The following TLL1 variants were observed in gnomAD, a reference collection of about 807,000 sequenced individuals.
TLL1 encodes the protein tolloid-like protein 1.
Under a neutral mutation model 128.2 loss-of-function variants are expected in TLL1, and 49 were observed. The observed-to-expected ratio is 0.38, with a 90% CI of 0.30 to 0.48. TLL1 has a LOEUF of 0.48. Among genes scored for constraint, TLL1 ranks in the 20% least tolerant of loss-of-function variants. The pLI, the probability that TLL1 is intolerant of heterozygous loss-of-function variation, is 0.96. For synonymous variants in TLL1, 454 were observed against 418.8 expected, an observed-to-expected ratio of 1.08 and a Z score of -1.03; for missense variants, 1,123 against 1,242.0, an observed-to-expected ratio of 0.90 and a Z score of 1.44.
chr4:166,052,965 G>GTGTGTGTGTGTA, intron 12 of TLL1, among the ~76,000 whole-genome samples: 1 of 99,648 alleles, frequency 1.0e-5, no homozygotes, highest in African/African-American at 3.8e-5. Context: ...GAGGTTATGT[G>GTGTGTGTGTGTA]TATATATATA....
chr4:166,097,722 C>G (rs1165414789), intron 19 of TLL1, among the ~76,000 whole-genome samples: 1 of 152,100 alleles, frequency 6.6e-6, no homozygotes, highest in Non-Finnish European at 1.5e-5. Context: ...AGCTGCCTAA[C>G]CATCTTCACT....
chr4:166,099,364 T>C lies in TLL1; in HGVS notation c.2744T>C (p.Val915Ala), dbSNP rs778787261. The change falls in exon 20 of 21, where the codon GTT (valine) becomes GCT (alanine). Residue 915 changes from valine to alanine, a missense_variant. Physicochemically the swap from Val to Ala is moderately conservative, Grantham distance 64. This residue lies in a region of TLL1 where 634 missense variants were observed against 672.4 expected (regional missense o/e 0.94). Coordinates refer to ENST00000061240, the MANE Select transcript of TLL1 (RefSeq NM_012464.5). ...QFGDNNYPGQ[V>A]DCEWLLVSER... ...GGTGATAACAACTACCCAGGACAGG[T>C]TGACTGTGAATGGCTATTAGTATCA... is the stretch of plus-strand genomic sequence containing the variant. The C allele has an allele frequency of 5.4e-5, 87 of 1,613,436 alleles. No individual in the cohort carries two copies. Among genetic ancestry groups the C allele is most frequent in the Non-Finnish European group, 7.3e-5 (86 of 1,179,656 alleles).
intron 8 of TLL1, among the ~76,000 whole-genome samples, chr4:166,024,862 T>G (rs1738422034): frequency 6.6e-6 from 1 of 152,222 alleles, no homozygotes; most frequent in Admixed American, 6.5e-5. Context: ...TGTTGACTAC[T>G]CATTAGCTAT....
intron 18 of TLL1, among the ~76,000 whole-genome samples, chr4:166,080,467 T>C (rs1414271867): frequency 6.6e-6 from 1 of 152,212 alleles, no homozygotes; most frequent in African/African-American, 2.4e-5. Context: ...AACTTATCAA[T>C]GTTAAATTCG....
chr4:166,076,498 T>C (rs899172128), intron 17 of TLL1, among the ~76,000 whole-genome samples: 2 of 152,210 alleles, frequency 1.3e-5, no homozygotes, highest in Non-Finnish European at 2.9e-5. Context: ...ATTACATAAA[T>C]GATATAGGAA....
chr4:166,029,778 C>T (rs1245556245), intron 9 of TLL1, among the ~76,000 whole-genome samples: 1 of 152,072 alleles, frequency 6.6e-6, no homozygotes, highest in Non-Finnish European at 1.5e-5. Flanking sequence ...TGTGACTGGA[C>T]TATCTCACTT....
At chr4:165,969,761 A>G (rs1735551415) in intron 1 of TLL1, among the ~76,000 whole-genome samples, 1 of 152,118 alleles carries the variant, frequency 6.6e-6, no homozygotes, top group African/African-American at 2.4e-5. Flanking sequence ...GGAGTTATTA[A>G]TCACTGTACT....
Position 165,874,047 on chromosome 4 carries a change from T to C in TLL1, c.143T>C (p.Ile48Thr), listed in dbSNP as rs1406752459. The C allele has an allele frequency of 1.9e-6, 3 of 1,614,062 alleles. No individual in the cohort carries two copies. The highest frequency in any genetic ancestry group is 2.5e-6 in the Non-Finnish European group (3 of 1,179,990). Residue 48 changes from isoleucine to threonine, a missense_variant, in exon 1 of 21, where the codon ATA becomes ACA. Physicochemically the swap from Ile to Thr is moderately conservative, Grantham distance 89 (BLOSUM62 -1). Around this residue, in one of 3 missense-constraint regions of TLL1, gnomAD observed 480 missense variants for 542.4 expected, o/e 0.89. Transcript: ENST00000061240. ...DGNEEDKTET[I>T]DYKDPCKAAV... ...AACGAAGAGGATAAAACAGAGACTA[T>C]AGATTACAAGGACCCGTGTAAAGCC...
At chr4:166,097,925 T>G (rs1278958272) in intron 19 of TLL1, among the ~76,000 whole-genome samples, 2 of 152,152 alleles carry the variant, frequency 1.3e-5, no homozygotes, top group Non-Finnish European at 2.9e-5. Flanking sequence ...TACTTTCTCC[T>G]GACACTTTTC....
chr4:165,952,769 TG>T (rs758722271), intron 1 of TLL1, among the ~76,000 whole-genome samples: 14 of 152,008 alleles, frequency 9.2e-5, no homozygotes, highest in Non-Finnish European at 1.8e-4. Context: ...TATTGGTGGC[TG>T]GGGGGGTAAT....
intron 1 of TLL1, among the ~76,000 whole-genome samples, chr4:165,967,808 A>C (rs985478808): frequency 1.3e-5 from 2 of 152,216 alleles, no homozygotes; most frequent in African/African-American, 4.8e-5. Context: ...TGGATAGAGA[A>C]AAGGAGTAGA....
intron 17 of TLL1, among the ~76,000 whole-genome samples, chr4:166,076,408 T>C (rs1454265043): frequency 6.6e-6 from 1 of 152,110 alleles, no homozygotes; most frequent in Non-Finnish European, 1.5e-5. Flanking sequence ...ACATTGAAGG[T>C]CATTCAGAGA....
chr4:166,044,678 G>A (rs560055933), intron 12 of TLL1, among the ~76,000 whole-genome samples: 198 of 151,874 alleles, frequency 1.3e-3, no homozygotes, highest in Middle Eastern at 3.4e-3. Flanking sequence ...AAATAGACCG[G>A]TTTATTGTTG....
chr4:165,951,236 A>T (rs1468048235), intron 1 of TLL1, among the ~76,000 whole-genome samples: 1 of 152,170 alleles, frequency 6.6e-6, no homozygotes, highest in East Asian at 1.9e-4. Context: ...CTATTAAATA[A>T]ATTGAATTAC....
intron 1 of TLL1, among the ~76,000 whole-genome samples, chr4:165,890,481 G>A (rs1463751797): frequency 2.0e-5 from 3 of 152,214 alleles, no homozygotes; most frequent in Non-Finnish European, 4.4e-5. Flanking sequence ...TGAGGGCTCA[G>A]GCATTGAGTG....
In TLL1 at chr4:166,059,069, A is replaced by G. The variant is rs148836530; in HGVS notation, c.1847-959A>G. Among the ~76,000 whole-genome samples, 97 of 152,312 alleles carry G rather than the reference A, an allele frequency of 6.4e-4. No individual in the cohort carries two copies. The East Asian group carries it at 0.018, about 28-fold the overall frequency. ...AAAAGAGGACATTGTATATGAGACA[A>G]TCAAAAAATAACAAGACTACTGTTT... On this transcript the variant is annotated intron_variant, in intron 14 of 20. Transcript: ENST00000061240.
chr4:166,065,471 A>G (rs572458040), intron 15 of TLL1, among the ~76,000 whole-genome samples: 3 of 152,040 alleles, frequency 2.0e-5, no homozygotes, highest in East Asian at 1.9e-4. Flanking sequence ...TCTCATCTCT[A>G]CAATGGAAAG....
At chr4:165,992,219 T>G (rs1216595064) in intron 2 of TLL1, among the ~76,000 whole-genome samples, 1 of 152,084 alleles carries the variant, frequency 6.6e-6, no homozygotes, top group Non-Finnish European at 1.5e-5. Context: ...AACATTCGTT[T>G]GGATTCCTGT....
At chr4:165,941,859 T>C (rs980105432) in intron 1 of TLL1, among the ~76,000 whole-genome samples, 7 of 152,088 alleles carry the variant, frequency 4.6e-5, no homozygotes, top group Non-Finnish European at 8.8e-5. Context: ...GTTCCTTCAG[T>C]CTGATTTTAG....
Sources: allele counts gnomAD v4.1 joint callset (sites outside exome capture counted in the v4.1 genomes callset), GRCh38; gene constraint gnomAD v4.1.1; regional missense constraint gnomAD v4.1.1; transcripts MANE v1.5; gene names NCBI Gene and HGNC (gene_info 2026-07-23, HGNC 2026-07-21).